The following EFCAB11 variants were observed in gnomAD, a reference collection of about 807,000 sequenced individuals.
The protein encoded by EFCAB11 is EF-hand calcium-binding domain-containing protein 11.
Under a neutral mutation model 23.0 loss-of-function variants are expected in EFCAB11, and 14 were observed. That is an observed-to-expected ratio of 0.61 (90% CI 0.40 to 0.95). The LOEUF is 0.95. EFCAB11 is among the 40% of genes least tolerant of loss of function. The probability of loss-of-function intolerance (pLI) is 0.00; values close to 1 mark genes in which losing one functional copy is unlikely to be tolerated. For synonymous variants in EFCAB11, 65 were observed against 66.6 expected, an observed-to-expected ratio of 0.98 and a Z score of 0.11; for missense variants, 198 against 195.8, an observed-to-expected ratio of 1.01 and a Z score of -0.07.
intron 5 of EFCAB11, among the ~76,000 whole-genome samples, chr14:89,852,121 A>T (rs1435065812): frequency 6.6e-6 from 1 of 152,238 alleles, no homozygotes; most frequent in African/African-American, 2.4e-5. Context: ...AGTTTACAGG[A>T]TTCAGGAGAA....
chr14:89,856,189 TCTC>T (rs1406951386), intron 5 of EFCAB11, among the ~76,000 whole-genome samples: 48 of 81,908 alleles, frequency 5.9e-4, no homozygotes, highest in South Asian at 1.8e-3. Flanking sequence ...TCTCTCTCTC[TCTC>T]TTTTTTTTTT....
At chr14:89,923,804 T>C (rs566123935) in intron 5 of EFCAB11, 2 of 985,298 alleles carry the variant, frequency 2.0e-6, no homozygotes, top group South Asian at 9.4e-5. Context: ...TTGTTAGAGA[T>C]GGACCAGGAA....
intron 5 of EFCAB11, among the ~76,000 whole-genome samples, chr14:89,817,458 T>G (rs1886371430): frequency 6.6e-6 from 1 of 152,130 alleles, no homozygotes; most frequent in Non-Finnish European, 1.5e-5. Context: ...GAGTTCTGGA[T>G]AACAGTGAGC....
intron 5 of EFCAB11, among the ~76,000 whole-genome samples, chr14:89,820,227 T>TC (rs1238171837): frequency 6.6e-6 from 1 of 152,190 alleles, no homozygotes; most frequent in Non-Finnish European, 1.5e-5. Flanking sequence ...CGATTTTTTT[T>TC]CTTTATTCAC....
intron 5 of EFCAB11, among the ~76,000 whole-genome samples, chr14:89,811,710 C>T (rs1201010330): frequency 6.6e-6 from 1 of 152,142 alleles, no homozygotes; most frequent in African/African-American, 2.4e-5. Flanking sequence ...ATGGCTTCTC[C>T]CCTTGAGCCT....
chr14:89,885,693 AAGAGAGAGAAAGAGAGAAAGAAAG>A (rs923853186), intron 5 of EFCAB11, among the ~76,000 whole-genome samples: 2 of 147,636 alleles, frequency 1.4e-5, no homozygotes, highest in Admixed American at 6.7e-5. Context: ...AAAAGAGAGA[AAGAGAGAGAAAGAGAGAAAGAAAG>A]AGAGAGAGAA....
chr14:89,941,393 A>C (rs777306011), intron 3 of EFCAB11, among the ~76,000 whole-genome samples: 26 of 152,126 alleles, frequency 1.7e-4, no homozygotes, highest in Non-Finnish European at 3.7e-4. Flanking sequence ...CGATTTTGTC[A>C]CAATTAGGAG....
chr14:89,945,761 C>T (rs531989278), intron 3 of EFCAB11, among the ~76,000 whole-genome samples: 4 of 152,106 alleles, frequency 2.6e-5, no homozygotes, highest in African/African-American at 7.2e-5. Flanking sequence ...GTGCTGTTCA[C>T]GTCTCCTATA....
intron 5 of EFCAB11, chr14:89,892,480 T>TA: frequency 6.8e-7 from 1 of 1,480,658 alleles, no homozygotes; most frequent in Non-Finnish European, 9.0e-7. Context: ...GTCCCAGCCT[T>TA]AGCCCACCTG....
chr14:89,915,444 G>GT (rs1032598794), intron 5 of EFCAB11, among the ~76,000 whole-genome samples: 97 of 152,318 alleles, frequency 6.4e-4, no homozygotes, highest in African/African-American at 2.0e-3. Context: ...TCTTAGCAGA[G>GT]TTTTTGGCAC....
In EFCAB11 at chr14:89,937,070, C is replaced by CT. The variant is rs1045304350; in HGVS notation, c.218-4444_218-4443insA. ...GTTCCACTACTAATAGTTACCTAAA[C>CT]ATCCTTTACCGTGGTTACAAATTAG... is the stretch of plus-strand genomic sequence containing the variant. On this transcript the variant is annotated intron_variant, in intron 3 of 5. Transcript: ENST00000316738. 2.0e-3 allele frequency among the ~76,000 whole-genome samples: 307 copies of CT among 152,344 alleles called. 3 individuals carry two copies. The highest frequency in any genetic ancestry group is 6.3e-3 in the African/African-American group (263 of 41,576).
intron 3 of EFCAB11, among the ~76,000 whole-genome samples, chr14:89,948,801 A>G (rs1891062729): frequency 6.6e-6 from 1 of 152,152 alleles, no homozygotes; most frequent in African/African-American, 2.4e-5. Context: ...ATTCATGGAC[A>G]TAGAAAGTAG....
chr14:89,869,282 A>G (rs1015501270), intron 5 of EFCAB11, among the ~76,000 whole-genome samples: 5 of 152,322 alleles, frequency 3.3e-5, no homozygotes, highest in Admixed American at 3.3e-4. Context: ...AATCCCACTT[A>G]TTAGAAAATA....
At chr14:89,839,371 C>A (rs188728875) in intron 5 of EFCAB11, among the ~76,000 whole-genome samples, 4 of 152,192 alleles carry the variant, frequency 2.6e-5, no homozygotes, top group Admixed American at 2.6e-4. Flanking sequence ...GATGGGACAA[C>A]CAGAGAGAGG....
chr14:89,950,044 C>T (rs1891112942), intron 3 of EFCAB11, 53 bp downstream of exon 3: 1 of 1,472,596 alleles, frequency 6.8e-7, no homozygotes, highest in Admixed American at 2.0e-5. Flanking sequence ...CACAGCCAAG[C>T]CATCTCAGTG....
intron 5 of EFCAB11, among the ~76,000 whole-genome samples, chr14:89,823,909 G>T (rs543906082): frequency 6.6e-5 from 10 of 152,030 alleles, no homozygotes; most frequent in African/African-American, 2.4e-4. Context: ...AAAAAGAAAC[G>T]AACAGAGGAA....
chr14:89,851,105 C>T (rs933301400), intron 5 of EFCAB11, among the ~76,000 whole-genome samples: 2 of 152,164 alleles, frequency 1.3e-5, no homozygotes, highest in Admixed American at 6.5e-5. Flanking sequence ...ACAGTAAACA[C>T]TTTATTTTGT....
intron 5 of EFCAB11, among the ~76,000 whole-genome samples, chr14:89,927,355 C>T (rs1227896411): frequency 6.6e-6 from 1 of 152,198 alleles, no homozygotes. Context: ...ATTCAAGCCA[C>T]AGAGGACCCC....
intron 5 of EFCAB11, among the ~76,000 whole-genome samples, chr14:89,888,899 C>T (rs866629753): frequency 6.6e-6 from 1 of 152,158 alleles, no homozygotes; most frequent in Non-Finnish European, 1.5e-5. Flanking sequence ...TTTATAAAAC[C>T]ATGGCGCTGT....
Sources: allele counts gnomAD v4.1 joint callset (sites outside exome capture counted in the v4.1 genomes callset), GRCh38; gene constraint gnomAD v4.1.1; transcripts MANE v1.5; gene names NCBI Gene and HGNC (gene_info 2026-07-23, HGNC 2026-07-21).